The following DGKI variants were observed in gnomAD, a reference collection of about 807,000 sequenced individuals.
DGKI encodes the protein DAG kinase iota.
In DGKI, 55 loss-of-function variants were observed where a neutral mutation model predicts 147.5. The observed-to-expected ratio is 0.37, with a 90% CI of 0.30 to 0.47. The LOEUF is 0.47. DGKI is among the 20% of genes least tolerant of loss of function. The pLI, the probability that DGKI is intolerant of heterozygous loss-of-function variation, is 1.00. For synonymous variants in DGKI, 469 were observed against 477.1 expected, an observed-to-expected ratio of 0.98 and a Z score of 0.22; for missense variants, 1,007 against 1,323.8, an observed-to-expected ratio of 0.76 and a Z score of 3.71.
chr7:137,703,585 A>G (rs1418748813), intron 1 of DGKI, among the ~76,000 whole-genome samples: 2 of 152,240 alleles, frequency 1.3e-5, no homozygotes, highest in Non-Finnish European at 2.9e-5. Flanking sequence ...TACTGTACTC[A>G]GGTATTTAAG....
At chr7:137,416,585 T>C (rs1205855808) in intron 28 of DGKI, among the ~76,000 whole-genome samples, 1 of 152,156 alleles carries the variant, frequency 6.6e-6, no homozygotes, top group Non-Finnish European at 1.5e-5. Flanking sequence ...TTTATTCTCC[T>C]GGTGATGAGA....
At position 137,683,263 on chromosome 7, in the gene DGKI, A is replaced by T. The variant is rs186984078; in HGVS notation, c.511-4611T>A. Among the ~76,000 whole-genome samples the T allele has an allele frequency of 3.1e-3, 472 of 151,782 alleles. 2 individuals carry two copies. Among genetic ancestry groups the T allele is most frequent in the African/African-American group, 0.011 (453 of 41,360 alleles). ...AGAATGCTTAGATGTTTCCCTATTTATAAAATAAAATCCAAATTCAACCTG... is the reference window on the plus strand; with the variant it reads ...AGAATGCTTAGATGTTTCCCTATTTTTAAAATAAAATCCAAATTCAACCTG... On this transcript the variant is annotated intron_variant, in intron 2 of 32. Coordinates refer to ENST00000614521, the MANE Select transcript of DGKI (RefSeq NM_001321708.2).
intron 21 of DGKI, among the ~76,000 whole-genome samples, chr7:137,501,546 A>C (rs1465141430): frequency 6.6e-6 from 1 of 152,172 alleles, no homozygotes; most frequent in African/African-American, 2.4e-5. Flanking sequence ...AGACAGTCAA[A>C]TAATTTCCTC....
intron 15 of DGKI, among the ~76,000 whole-genome samples, chr7:137,580,433 G>C (rs1819148032): frequency 6.6e-6 from 1 of 152,048 alleles, no homozygotes; most frequent in South Asian, 2.1e-4. Flanking sequence ...GGCGGAAAGT[G>C]GTAGTGTTTC....
chr7:137,722,868 TAATTA>T, intron 1 of DGKI: 1 of 918,132 alleles, frequency 1.1e-6, no homozygotes, highest in Non-Finnish European at 1.7e-6. Context: ...CTTAAGAACT[TAATTA>T]AATAGTTGAC....
At chr7:137,680,172 C>T (rs1208980310) in intron 2 of DGKI, among the ~76,000 whole-genome samples, 3 of 151,914 alleles carry the variant, frequency 2.0e-5, no homozygotes, top group Non-Finnish European at 2.9e-5. Flanking sequence ...AGGAAAAAGC[C>T]ATGTGAGCAC....
At chr7:137,539,051 T>C (rs1817606187) in intron 20 of DGKI, among the ~76,000 whole-genome samples, 1 of 152,128 alleles carries the variant, frequency 6.6e-6, no homozygotes, top group African/African-American at 2.4e-5. Flanking sequence ...TCCCTTTCTT[T>C]TTTCCCCCCT....
At position 137,534,433 on chromosome 7, in the gene DGKI, T is replaced by TA. The variant is rs755220587; in HGVS notation, c.2148-12468dup. On this transcript the variant is annotated intron_variant, in intron 20 of 32. Transcript: ENST00000614521. ...AAGTATTCCTTTTCCTTCCCGTTTA[T>TA]AGTCTGCATGTATTTCTGCAGATTG... 2.6e-5 allele frequency among the ~76,000 whole-genome samples: 4 copies of TA among 152,240 alleles called. No homozygotes were observed. In the South Asian group the frequency reaches 8.3e-4, roughly 32 times the overall value.
At chr7:137,425,587 G>A (rs1171868452) in intron 28 of DGKI, among the ~76,000 whole-genome samples, 2 of 152,092 alleles carry the variant, frequency 1.3e-5, no homozygotes, top group African/African-American at 2.4e-5. Flanking sequence ...GGCTTCAGAC[G>A]ATCAAATTAC....
intron 3 of DGKI, 60 bp from the exon 4 acceptor site, chr7:137,656,600 C>T (rs1261544054): frequency 2.0e-6 from 3 of 1,513,610 alleles, no homozygotes; most frequent in Non-Finnish European, 2.7e-6. Flanking sequence ...TGAAGAGTTC[C>T]CTAGTATTAA....
chr7:137,843,692 T>G (rs1435359006), intron 1 of DGKI, among the ~76,000 whole-genome samples: 1 of 151,256 alleles, frequency 6.6e-6, no homozygotes, highest in Non-Finnish European at 1.5e-5. Flanking sequence ...CACCCACTCC[T>G]CATTTATTTT....
intron 21 of DGKI, among the ~76,000 whole-genome samples, chr7:137,513,272 C>T (rs1816638417): frequency 6.6e-6 from 1 of 152,142 alleles, no homozygotes; most frequent in Non-Finnish European, 1.5e-5. Flanking sequence ...GAACCTGCCC[C>T]ACATTCCTGC....
chr7:137,817,516 A>C (rs1030985356), intron 1 of DGKI, among the ~76,000 whole-genome samples: 1 of 152,218 alleles, frequency 6.6e-6, no homozygotes, highest in African/African-American at 2.4e-5. Context: ...CTCTTCAATG[A>C]GTACTTTTCT....
At chr7:137,699,858 G>C (rs1013010339) in intron 1 of DGKI, among the ~76,000 whole-genome samples, 2 of 152,124 alleles carry the variant, frequency 1.3e-5, no homozygotes, top group African/African-American at 4.8e-5. Context: ...TCGCTGACTA[G>C]ACAACCCCCA....
chr7:137,436,522 C>T (rs1462829443), intron 28 of DGKI, among the ~76,000 whole-genome samples: 1 of 152,090 alleles, frequency 6.6e-6, no homozygotes, highest in Non-Finnish European at 1.5e-5. Context: ...CCTAGTTCTA[C>T]CTTTTACTCA....
intron 2 of DGKI, among the ~76,000 whole-genome samples, chr7:137,685,334 T>C (rs1823379411): frequency 6.6e-6 from 1 of 152,158 alleles, no homozygotes; most frequent in Admixed American, 6.5e-5. Flanking sequence ...TTGGTGGCTT[T>C]TCCACCACTG....
In DGKI at chr7:137,846,159, T is replaced by A. The variant is rs866830946; in HGVS notation, c.401+303A>T. Among the ~76,000 whole-genome samples, 910 of 129,966 alleles carry A rather than the reference T, an allele frequency of 7.0e-3. 4 individuals are homozygous for A. The highest frequency in any genetic ancestry group is 9.5e-3 in the Admixed American group (123 of 13,014). The allele number at this position is 129,966 out of a possible 152,430, so 85.3% of individuals were successfully genotyped here. ...TTCTCTCTCTCTCTCTCTCTCTCTC[T>A]CTCACACACACACACACACACACAC... On this transcript the variant is annotated intron_variant, in intron 1 of 32. Coordinates refer to ENST00000614521, the MANE Select transcript of DGKI (RefSeq NM_001321708.2). The surrounding 1 kb of genome is among the most constrained non-coding windows in gnomAD (Gnocchi z 4.0).
chr7:137,541,650 C>A (rs1250566675), intron 20 of DGKI, among the ~76,000 whole-genome samples: 1 of 151,972 alleles, frequency 6.6e-6, no homozygotes, highest in African/African-American at 2.4e-5. Flanking sequence ...AAAGGCAATT[C>A]AATAGGAAAA....
At chr7:137,781,484 C>T (rs1202476733) in intron 1 of DGKI, among the ~76,000 whole-genome samples, 1 of 152,180 alleles carries the variant, frequency 6.6e-6, no homozygotes, top group Non-Finnish European at 1.5e-5. Context: ...TTTCCTTCCT[C>T]CTCCTCTCTC....
Sources: gnomAD v4.1 joint callset for allele counts (sites outside exome capture counted in the v4.1 genomes callset) on GRCh38, gnomAD v4.1.1 for gene constraint, Gnocchi (gnomAD v3.1) non-coding constraint, MANE v1.5 for transcripts, NCBI Gene and HGNC (gene_info 2026-07-23, HGNC 2026-07-21) for gene names.